ATG5: variants seen among roughly 807,000 people sequenced by gnomAD.
ATG5 encodes autophagy protein 5.
Under a neutral mutation model 36.5 loss-of-function variants are expected in ATG5, and 14 were observed. That is an observed-to-expected ratio of 0.38 (90% CI 0.25 to 0.60). The LOEUF (loss-of-function observed/expected upper bound fraction) is 0.60, where lower values mean the gene tolerates loss of function less well. ATG5 is among the 20% of genes least tolerant of loss of function. The pLI is 0.60. For missense variants in ATG5, 195 were observed against 326.7 expected (o/e 0.60, Z 3.11); for synonymous variants, 95 against 101.5 (o/e 0.94, Z 0.38).
At chr6:106,230,238 G>C (rs570806489) in intron 6 of ATG5, among the ~76,000 whole-genome samples, 7 of 152,178 alleles carry the variant, frequency 4.6e-5, no homozygotes, top group African/African-American at 1.7e-4. Flanking sequence ...CGTACTTACC[G>C]AATCAAAAAG....
chr6:106,309,193 T>A (rs1770557126), intron 2 of ATG5, among the ~76,000 whole-genome samples: 1 of 152,236 alleles, frequency 6.6e-6, no homozygotes, highest in African/African-American at 2.4e-5. Flanking sequence ...TTTCTTTTGC[T>A]GATAAAACTG....
intron 1 of ATG5, among the ~76,000 whole-genome samples, chr6:106,321,151 A>T (rs1771048827): frequency 6.6e-6 from 1 of 152,220 alleles, no homozygotes; most frequent in South Asian, 2.1e-4. Flanking sequence ...CGTGTCTTGA[A>T]CAACAAACCC....
chr6:106,263,210 G>C (rs1256370089), intron 5 of ATG5, among the ~76,000 whole-genome samples: 1 of 152,218 alleles, frequency 6.6e-6, no homozygotes, highest in Non-Finnish European at 1.5e-5. Context: ...TCCTCTGACA[G>C]TGCTAAGGAG....
intron 6 of ATG5, among the ~76,000 whole-genome samples, chr6:106,231,638 C>A (rs1278081675): frequency 6.6e-6 from 1 of 152,162 alleles, no homozygotes; most frequent in African/African-American, 2.4e-5. Flanking sequence ...AGGAAGCATA[C>A]CTCTCTCTGT....
At chr6:106,280,345 G>A (rs905432441) in intron 4 of ATG5, among the ~76,000 whole-genome samples, 2 of 150,204 alleles carry the variant, frequency 1.3e-5, no homozygotes, top group African/African-American at 4.9e-5. Flanking sequence ...CTTGCTACAT[G>A]AATGTTCACA....
At chr6:106,231,073 A>G (rs1777668347) in intron 6 of ATG5, among the ~76,000 whole-genome samples, 2 of 152,084 alleles carry the variant, frequency 1.3e-5, no homozygotes. Context: ...ACAAAGGGGT[A>G]AACAACTAAC....
chr6:106,197,861 G>C (rs1776261555), intron 7 of ATG5, among the ~76,000 whole-genome samples: 2 of 152,112 alleles, frequency 1.3e-5, no homozygotes, highest in Non-Finnish European at 2.9e-5. Context: ...ACAGCATCTA[G>C]TTTTTAATGT....
At chr6:106,311,228 G>A (rs1420735070) in intron 2 of ATG5, among the ~76,000 whole-genome samples, 9 of 152,158 alleles carry the variant, frequency 5.9e-5, no homozygotes, top group Non-Finnish European at 1.3e-4. Flanking sequence ...GAAAGAGACA[G>A]AAGAGTCCTT....
intron 6 of ATG5, among the ~76,000 whole-genome samples, chr6:106,204,594 T>TG (rs1776560817): frequency 6.6e-6 from 1 of 152,072 alleles, no homozygotes; most frequent in African/African-American, 2.4e-5. Flanking sequence ...GGGAGGTGAT[T>TG]GGGTCATAGG....
In ATG5 at chr6:106,240,359, T is replaced by C. The variant is rs1000399667; in HGVS notation, c.573+7791A>G. ...ATCTTTAATATATTTATAGATATTATAATATAAAATATCTATAAAATTATT... is the reference window on the plus strand; with the variant it reads ...ATCTTTAATATATTTATAGATATTACAATATAAAATATCTATAAAATTATT... On this transcript the variant is annotated intron_variant, in intron 6 of 7. Transcript: ENST00000369076. Among the ~76,000 whole-genome samples, 82 of 148,208 alleles carry C rather than the reference T, an allele frequency of 5.5e-4. 1 individual carries two copies. The highest frequency in any genetic ancestry group is 4.6e-4 in the Non-Finnish European group (31 of 67,126).
chr6:106,268,709 A>AT (rs1486751029), intron 5 of ATG5, among the ~76,000 whole-genome samples: 4 of 152,194 alleles, frequency 2.6e-5, no homozygotes, highest in Non-Finnish European at 4.4e-5. Context: ...AAAAAGAATG[A>AT]TTTTGTATCC....
At chr6:106,226,661 C>A (rs1034481460) in intron 6 of ATG5, among the ~76,000 whole-genome samples, 2 of 152,196 alleles carry the variant, frequency 1.3e-5, no homozygotes, top group Non-Finnish European at 2.9e-5. Flanking sequence ...AAAACAGAAT[C>A]ATAGAGTATA....
intron 6 of ATG5, among the ~76,000 whole-genome samples, chr6:106,223,811 G>A (rs1017230571): frequency 3.3e-5 from 5 of 152,188 alleles, no homozygotes; most frequent in Admixed American, 2.6e-4. Flanking sequence ...AAAAGAACAA[G>A]GCTGAAGATC....
At chr6:106,295,443 T>C (rs928830316) in intron 3 of ATG5, among the ~76,000 whole-genome samples, 1 of 152,220 alleles carries the variant, frequency 6.6e-6, no homozygotes, top group African/African-American at 2.4e-5. Flanking sequence ...ATAAAATTAC[T>C]AGCAATCCAG....
intron 3 of ATG5, among the ~76,000 whole-genome samples, chr6:106,297,965 ATTTT>A (rs34194209): frequency 1.5e-5 from 2 of 134,642 alleles, no homozygotes; most frequent in African/African-American, 2.7e-5. Flanking sequence ...GTCAAAATCT[ATTTT>A]TTTTTTTTTT....
chr6:106,317,236 C>A (rs1679697646), intron 1 of ATG5, among the ~76,000 whole-genome samples: 1 of 152,084 alleles, frequency 6.6e-6, no homozygotes, highest in African/African-American at 2.4e-5. Context: ...ACATGTGGCA[C>A]CTGGATACTA....
intron 7 of ATG5, among the ~76,000 whole-genome samples, chr6:106,194,981 C>G (rs1776119187): frequency 1.3e-5 from 2 of 152,152 alleles, no homozygotes; most frequent in East Asian, 1.9e-4. Flanking sequence ...TTAACTACAG[C>G]TGAAACGACA....
chr6:106,237,882 AC>A (rs1289660818), intron 6 of ATG5, among the ~76,000 whole-genome samples: 1 of 152,222 alleles, frequency 6.6e-6, no homozygotes, highest in Non-Finnish European at 1.5e-5. Context: ...AGACATAAGC[AC>A]AGTACAGAGC....
At chr6:106,288,897 G>GT (rs974712233) in intron 4 of ATG5, among the ~76,000 whole-genome samples, 2 of 152,190 alleles carry the variant, frequency 1.3e-5, no homozygotes, top group South Asian at 4.1e-4. Flanking sequence ...GTTTAACAGT[G>GT]TTTTTTTGAA....
Sources: allele counts gnomAD v4.1 joint callset (sites outside exome capture counted in the v4.1 genomes callset), GRCh38; gene constraint gnomAD v4.1.1; transcripts MANE v1.5; gene names NCBI Gene and HGNC (gene_info 2026-07-23, HGNC 2026-07-21).